Variants in AGBL4 observed in about 807,000 individuals in gnomAD.
AGBL4 encodes the protein cytosolic carboxypeptidase 6.
A neutral mutation model predicts 66.4 loss-of-function variants in AGBL4; 58 were observed. That is an observed-to-expected ratio of 0.87 (90% confidence interval 0.71 to 1.09). The LOEUF (loss-of-function observed/expected upper bound fraction) is 1.09, where lower values mean the gene tolerates loss of function less well. Ranked by LOEUF, AGBL4 falls within the 50% of genes least tolerant of loss-of-function variation. The pLI is 0.00. For synonymous variants in AGBL4, 234 were observed against 222.9 expected (o/e 1.05, Z -0.44); for missense variants, 579 against 631.0 (o/e 0.92, Z 0.88).
intron 3 of AGBL4, among the ~76,000 whole-genome samples, chr1:49,467,769 A>G (rs1646660809): frequency 1.3e-5 from 2 of 151,904 alleles, no homozygotes; most frequent in South Asian, 4.1e-4. Context: ...AAAGTATTAC[A>G]GTTTATTCAC....
At chr1:49,118,742 C>T (rs376792952) in intron 4 of AGBL4, among the ~76,000 whole-genome samples, 4 of 152,110 alleles carry the variant, frequency 2.6e-5, no homozygotes, top group African/African-American at 9.7e-5. Context: ...CCCTCTTTTT[C>T]TATTGATTGG....
rs1251223988 is a variant in AGBL4, at chr1:48,533,792, T to TAACC, written c.*377_*380dup. The TAACC allele has an allele frequency of 4.4e-6, 1 of 227,846 alleles. No homozygotes were observed. Among genetic ancestry groups the TAACC allele is most frequent in the East Asian group, 1.2e-4 (1 of 8,248 alleles). 14.1% of individuals were successfully genotyped at this position (227,846 alleles called of 1,614,324 possible). On this transcript the variant is annotated 3_prime_UTR_variant, in exon 14 of 14. Transcript: ENST00000371839. ...TAAACAACCAAGCCTATTTAAAAGG[T>TAACC]AACCATCTGCAGTAACTATAAAACT...
At chr1:49,269,759 A>G (rs542816085) in intron 3 of AGBL4, among the ~76,000 whole-genome samples, 1 of 152,310 alleles carries the variant, frequency 6.6e-6, no homozygotes, top group South Asian at 2.1e-4. Context: ...ATTGGGGGTT[A>G]GGGTAATCCT....
intron 2 of AGBL4, among the ~76,000 whole-genome samples, chr1:49,735,036 A>G (rs1337174212): frequency 6.6e-6 from 1 of 152,146 alleles, no homozygotes; most frequent in African/African-American, 2.4e-5. Context: ...CTTTCCAAGA[A>G]ATGGTGCCAG....
chr1:48,950,685 G>A lies in AGBL4; in HGVS notation c.595-83455C>T, dbSNP rs528122247. Among the ~76,000 whole-genome samples, 4 of 152,278 alleles carry A rather than the reference G, an allele frequency of 2.6e-5. No individual in the cohort carries two copies. In the South Asian group the frequency reaches 8.3e-4, roughly 32 times the overall value. Reference sequence around the variant, plus strand: ...CCAGCTTGAGCCAAATGAGACGAATGAGGATTCATCAGGACCATCTTAAAA... The same window carrying A: ...CCAGCTTGAGCCAAATGAGACGAATAAGGATTCATCAGGACCATCTTAAAA... On this transcript the variant is annotated intron_variant, in intron 5 of 13. Transcript: ENST00000371839.
chr1:49,923,245 G>A (rs185734647), intron 1 of AGBL4, among the ~76,000 whole-genome samples: 9 of 152,260 alleles, frequency 5.9e-5, no homozygotes, highest in Admixed American at 3.3e-4. Flanking sequence ...AAATGGTGCC[G>A]GGATAACTGG....
intron 6 of AGBL4, among the ~76,000 whole-genome samples, chr1:48,862,386 A>G (rs1427198927): frequency 2.0e-5 from 3 of 152,134 alleles, no homozygotes; most frequent in Non-Finnish European, 4.4e-5. Flanking sequence ...AGGCTGGGTG[A>G]TCTCCGCTCA....
chr1:48,535,039 CGTAA>C, intron 12 of AGBL4, 123 bp from the exon 13 acceptor site: 1 of 899,442 alleles, frequency 1.1e-6, no homozygotes, highest in Non-Finnish European at 1.7e-6. Context: ...GAGCATAGGA[CGTAA>C]GTATGTTTTT....
At chr1:49,342,133 TTC>T (rs1317242978) in intron 3 of AGBL4, among the ~76,000 whole-genome samples, 4 of 152,176 alleles carry the variant, frequency 2.6e-5, no homozygotes, top group Non-Finnish European at 5.9e-5. Flanking sequence ...AAGAAGATCA[TTC>T]TCTTTTTCGC....
chr1:49,473,317 C>T (rs2148715321), intron 3 of AGBL4, among the ~76,000 whole-genome samples: 1 of 152,124 alleles, frequency 6.6e-6, no homozygotes, highest in Middle Eastern at 3.4e-3. Context: ...TATGTTTTGA[C>T]TTTTTAATAA....
intron 3 of AGBL4, among the ~76,000 whole-genome samples, chr1:49,560,904 A>G (rs1644022515): frequency 6.6e-6 from 1 of 152,128 alleles, no homozygotes; most frequent in Admixed American, 6.6e-5. Flanking sequence ...TTTTCCCAGA[A>G]AAACAAAAGC....
intron 3 of AGBL4, among the ~76,000 whole-genome samples, chr1:49,336,991 TAA>T (rs1268066354): frequency 1.3e-5 from 2 of 152,176 alleles, no homozygotes; most frequent in African/African-American, 2.4e-5. Flanking sequence ...ATCTTGAGAT[TAA>T]AAATACACTT....
At chr1:49,800,455 G>A (rs1299626219) in intron 2 of AGBL4, among the ~76,000 whole-genome samples, 4 of 131,808 alleles carry the variant, frequency 3.0e-5, no homozygotes, top group Admixed American at 7.8e-5. Context: ...ATGCTGGTGC[G>A]CTGCACCCAC....
In AGBL4 at chr1:48,695,411, C is replaced by T. The variant is rs574293070; in HGVS notation, c.635-32170G>A. Reference sequence around the variant, plus strand: ...CATTATTCCCCTCAATTTGACTTCACGCTTTAGCCCTAATTTCAGTATAAT... The same window carrying T: ...CATTATTCCCCTCAATTTGACTTCATGCTTTAGCCCTAATTTCAGTATAAT... On this transcript the variant is annotated intron_variant, in intron 6 of 13. Coordinates refer to ENST00000371839, the MANE Select transcript of AGBL4 (RefSeq NM_032785.4). 4.6e-5 allele frequency among the ~76,000 whole-genome samples: 7 copies of T among 152,348 alleles called. No homozygotes were observed. The East Asian group carries it at 5.8e-4, about 13-fold the overall frequency.
intron 6 of AGBL4, among the ~76,000 whole-genome samples, chr1:48,749,777 C>T (rs1050124028): frequency 6.6e-6 from 1 of 152,222 alleles, no homozygotes; most frequent in Admixed American, 6.5e-5. Context: ...GGTTCTTCTA[C>T]TTCTCTCCTG....
At chr1:49,771,780 C>T (rs971230182) in intron 2 of AGBL4, among the ~76,000 whole-genome samples, 3 of 151,850 alleles carry the variant, frequency 2.0e-5, no homozygotes, top group African/African-American at 4.8e-5. Context: ...GATATAAAGT[C>T]GACTTTATCT....
chr1:49,785,652 C>T (rs1023049364), intron 2 of AGBL4, among the ~76,000 whole-genome samples: 1 of 151,726 alleles, frequency 6.6e-6, no homozygotes, highest in Non-Finnish European at 1.5e-5. Flanking sequence ...AATTCTGTGG[C>T]CCAAATTGAA....
Position 49,676,114 on chromosome 1 carries a change from C to G in AGBL4, c.282+21199G>C, listed in dbSNP as rs906099579. 8.1e-4 allele frequency among the ~76,000 whole-genome samples: 123 copies of G among 151,826 alleles called. 1 individual carries two copies. Among genetic ancestry groups the G allele is most frequent in the African/African-American group, 2.9e-3 (119 of 41,364 alleles). On this transcript the variant is annotated intron_variant, in intron 3 of 13. Transcript: ENST00000371839. Reference sequence around the variant, plus strand: ...ATTTTGCAGATGAGAAAACAAACACCCAGAGAGGTAAAATGGTTTACCTGA... The same window carrying G: ...ATTTTGCAGATGAGAAAACAAACACGCAGAGAGGTAAAATGGTTTACCTGA...
chr1:49,131,348 G>A lies in AGBL4; in HGVS notation c.378-85548C>T, dbSNP rs536377349. 3.3e-5 allele frequency among the ~76,000 whole-genome samples: 5 copies of A among 152,086 alleles called. No homozygotes were observed. In the East Asian group the frequency reaches 5.8e-4, roughly 18 times the overall value. On this transcript the variant is annotated intron_variant, in intron 4 of 13. Transcript: ENST00000371839. ...TGGGTCTATACATTTGTCAAAATTCGTTGATCACTACCCTTAAAAGGTATG... is the reference window on the plus strand; with the variant it reads ...TGGGTCTATACATTTGTCAAAATTCATTGATCACTACCCTTAAAAGGTATG...
Sources: gnomAD v4.1 joint callset for allele counts (sites outside exome capture counted in the v4.1 genomes callset) on GRCh38, gnomAD v4.1.1 for gene constraint, MANE v1.5 for transcripts, NCBI Gene and HGNC (gene_info 2026-07-23, HGNC 2026-07-21) for gene names.